AGAP1: variants seen among roughly 807,000 people sequenced by gnomAD.
AGAP1 encodes arf-GAP with GTPase, ANK repeat and PH domain-containing protein 1.
AGAP1 carries 29 observed loss-of-function variants against 105.3 expected under a neutral mutation model. The observed-to-expected ratio is 0.28, with a 90% confidence interval of 0.21 to 0.38. The LOEUF (loss-of-function observed/expected upper bound fraction) is 0.38, where lower values mean the gene tolerates loss of function less well. AGAP1 is among the 10% of genes least tolerant of loss of function. The probability of loss-of-function intolerance (pLI) is 1.00; values close to 1 mark genes in which losing one functional copy is unlikely to be tolerated. For synonymous variants in AGAP1, 509 were observed against 485.9 expected, an observed-to-expected ratio of 1.05 and a Z score of -0.63; for missense variants, 998 against 1,165.1, an observed-to-expected ratio of 0.86 and a Z score of 2.09.
chr2:235,928,845 C>T (rs779788026), intron 11 of AGAP1, among the ~76,000 whole-genome samples: 17 of 152,198 alleles, frequency 1.1e-4, no homozygotes, highest in Non-Finnish European at 2.1e-4. Context: ...AGTGCCATGT[C>T]GCCAGCTCTG....
intron 8 of AGAP1, among the ~76,000 whole-genome samples, chr2:235,806,550 C>T (rs1234070037): frequency 1.3e-5 from 2 of 152,316 alleles, no homozygotes; most frequent in East Asian, 3.9e-4. Context: ...GTCCGCAGCA[C>T]GTCAGCAGTG....
In AGAP1 at chr2:235,882,767, G is replaced by C. The variant is rs1040296356; in HGVS notation, c.1051-578G>C. Among the ~76,000 whole-genome samples the C allele has an allele frequency of 3.9e-5, 6 of 152,146 alleles. No homozygotes were observed. The highest frequency in any genetic ancestry group is 7.4e-5 in the Non-Finnish European group (5 of 68,020). On this transcript the variant is annotated intron_variant, in intron 9 of 17. Transcript: ENST00000304032. The surrounding 1 kb of genome is among the most constrained non-coding windows in gnomAD (Gnocchi z 4.6). Reference sequence around the variant, plus strand: ...TGGGATTACAGGCGTGAGCCACCGTGCCCGGCCTGGTTAATGCAGTTTTTT... The same window carrying C: ...TGGGATTACAGGCGTGAGCCACCGTCCCCGGCCTGGTTAATGCAGTTTTTT...
intron 1 of AGAP1, among the ~76,000 whole-genome samples, chr2:235,688,952 G>A (rs541371794): frequency 1.3e-5 from 2 of 152,316 alleles, no homozygotes; most frequent in East Asian, 1.9e-4. Flanking sequence ...CCCGTGTAAC[G>A]TTCGCCAAGC....
At chr2:235,972,180 C>A (rs1302735556) in intron 13 of AGAP1, among the ~76,000 whole-genome samples, 1 of 152,158 alleles carries the variant, frequency 6.6e-6, no homozygotes, top group East Asian at 1.9e-4. Flanking sequence ...TTCTCTATCG[C>A]CTGACCAAGT....
At chr2:235,969,652 C>G (rs1469272936) in intron 13 of AGAP1, among the ~76,000 whole-genome samples, 1 of 152,186 alleles carries the variant, frequency 6.6e-6, no homozygotes, top group Non-Finnish European at 1.5e-5. Flanking sequence ...TGGCCCATCC[C>G]GTCCACATAT....
At chr2:236,016,666 C>T (rs899660187) in intron 13 of AGAP1, among the ~76,000 whole-genome samples, 3 of 152,162 alleles carry the variant, frequency 2.0e-5, no homozygotes, top group African/African-American at 7.2e-5. Context: ...TCAGGTAATA[C>T]ACAGCATCTG....
intron 9 of AGAP1, among the ~76,000 whole-genome samples, chr2:235,813,429 G>A (rs771459379): frequency 1.3e-5 from 2 of 152,234 alleles, no homozygotes; most frequent in Non-Finnish European, 2.9e-5. Context: ...ACGGAAGTTC[G>A]TTTTAAGACT....
intron 8 of AGAP1, among the ~76,000 whole-genome samples, chr2:235,802,205 A>T (rs991075400): frequency 6.6e-6 from 1 of 152,198 alleles, no homozygotes; most frequent in Non-Finnish European, 1.5e-5. Context: ...GGCTCTGCAC[A>T]CTAGGAGGAG....
At chr2:236,103,012 C>T (rs1015016838) in intron 16 of AGAP1, among the ~76,000 whole-genome samples, 3 of 134,762 alleles carry the variant, frequency 2.2e-5, no homozygotes, top group African/African-American at 8.1e-5. Flanking sequence ...CTGCCCACCC[C>T]CCACCCCCAG....
intron 8 of AGAP1, among the ~76,000 whole-genome samples, chr2:235,806,046 C>T (rs1466719364): frequency 6.6e-6 from 1 of 152,156 alleles, no homozygotes; most frequent in Non-Finnish European, 1.5e-5. Context: ...TGGTAGCAGC[C>T]TCTTCTGGAA....
At chr2:236,048,184 C>G (rs2057780405) in intron 15 of AGAP1, among the ~76,000 whole-genome samples, 1 of 152,232 alleles carries the variant, frequency 6.6e-6, no homozygotes, top group Non-Finnish European at 1.5e-5. Flanking sequence ...CTATCAAGGT[C>G]AACCCTATCT....
chr2:235,768,830 G>A (rs1483282143), intron 6 of AGAP1, among the ~76,000 whole-genome samples: 2 of 152,196 alleles, frequency 1.3e-5, no homozygotes, highest in African/African-American at 4.8e-5. Flanking sequence ...AGCCATGTGG[G>A]CCAGGCCCCA....
chr2:235,790,946 T>C (rs1238664239), intron 6 of AGAP1, among the ~76,000 whole-genome samples: 1 of 152,150 alleles, frequency 6.6e-6, no homozygotes, highest in East Asian at 1.9e-4. Flanking sequence ...ATGCCATGGG[T>C]CCCATGGTTC....
chr2:235,541,416 C>G lies in AGAP1; in HGVS notation c.163+46567C>G, dbSNP rs373997300. Among the ~76,000 whole-genome samples the G allele has an allele frequency of 1.1e-4, 13 of 113,238 alleles. No homozygotes were observed. In the East Asian group the frequency reaches 2.5e-3, roughly 22 times the overall value. The allele number at this position is 113,238 out of a possible 152,430, so 74.3% of individuals were successfully genotyped here. ...TTTTTTTTTTTTTTTGAGACGAAGT[C>G]TCACTCTCTCGCCCAGGCTGGAGTG... On this transcript the variant is annotated intron_variant, in intron 1 of 17. Coordinates refer to ENST00000304032, the MANE Select transcript of AGAP1 (RefSeq NM_001037131.3).
rs1274170456 is a variant in AGAP1 at position 235,754,688 on chromosome 2, G to C, written c.673+4200G>C. On this transcript the variant is annotated intron_variant, in intron 6 of 17. Transcript: ENST00000304032. The surrounding 1 kb of genome is among the most constrained non-coding windows in gnomAD (Gnocchi z 4.6). The stretch of plus-strand genomic sequence containing the variant: ...CTACTGGCAAGTGGCTGTAGGTGTT[G>C]GGAAGCAGCCTAGCAGGCTGGTTCA... 6.6e-6 allele frequency among the ~76,000 whole-genome samples: 1 copy of C among 152,190 alleles called. No homozygotes were observed. Among genetic ancestry groups the C allele is most frequent in the Non-Finnish European group, 1.5e-5 (1 of 68,038 alleles).
chr2:235,881,088 C>A (rs2049999395), intron 9 of AGAP1, among the ~76,000 whole-genome samples: 1 of 152,188 alleles, frequency 6.6e-6, no homozygotes, highest in South Asian at 2.1e-4. Context: ...AAAGTCGTTT[C>A]AAACTCAAAT....
chr2:235,696,590 G>T, intron 1 of AGAP1, among the ~76,000 whole-genome samples: 1 of 152,226 alleles, frequency 6.6e-6, no homozygotes, highest in East Asian at 1.9e-4. Flanking sequence ...CCTTCTCCCA[G>T]GAGGCTGATT....
chr2:235,683,902 G>T lies in AGAP1; in HGVS notation c.164-25277G>T, dbSNP rs1160622635. ...GTGATGTTCCCCGCCCTGTGTCCATGTCTTCTCATTTTTCACCTCCCACCT... is the reference window on the plus strand; with the variant it reads ...GTGATGTTCCCCGCCCTGTGTCCATTTCTTCTCATTTTTCACCTCCCACCT... On this transcript the variant is annotated intron_variant, in intron 1 of 17. Transcript: ENST00000304032. Among the ~76,000 whole-genome samples, 5 of 146,530 alleles carry T rather than the reference G, an allele frequency of 3.4e-5. No individual in the cohort carries two copies. In the Admixed American group the frequency reaches 3.6e-4, roughly 10 times the overall value.
At chr2:235,915,552 T>G (rs1459194299) in intron 11 of AGAP1, among the ~76,000 whole-genome samples, 1 of 151,946 alleles carries the variant, frequency 6.6e-6, no homozygotes, top group Admixed American at 6.6e-5. Context: ...TAGTGGCGAG[T>G]GCCTGTGGTC....
Sources: gnomAD v4.1 joint callset for allele counts (sites outside exome capture counted in the v4.1 genomes callset) on GRCh38, gnomAD v4.1.1 for gene constraint, Gnocchi (gnomAD v3.1) non-coding constraint, MANE v1.5 for transcripts, NCBI Gene and HGNC (gene_info 2026-07-23, HGNC 2026-07-21) for gene names.